PRELID2: variants seen among roughly 807,000 people sequenced by gnomAD.
PRELID2 encodes the protein PRELI domain-containing protein 2.
A neutral mutation model predicts 28.4 loss-of-function variants in PRELID2; 25 were observed. The observed-to-expected ratio is 0.88, with a 90% CI of 0.64 to 1.23. The LOEUF is 1.23. PRELID2 is among the 50% of genes most tolerant of loss of function. The pLI is 0.00. For synonymous variants in PRELID2, 76 were observed against 71.6 expected (o/e 1.06, Z -0.31); for missense variants, 201 against 214.4 (o/e 0.94, Z 0.39).
intron 1 of PRELID2, among the ~76,000 whole-genome samples, chr5:145,591,889 T>C (rs537331611): frequency 1.3e-5 from 2 of 152,334 alleles, no homozygotes; most frequent in East Asian, 1.9e-4. Context: ...AATGGCCACT[T>C]GGTGATGAGT....
At chr5:145,738,377 A>G (rs539928151) in intron 1 of PRELID2, among the ~76,000 whole-genome samples, 5 of 152,342 alleles carry the variant, frequency 3.3e-5, no homozygotes, top group African/African-American at 7.2e-5. Context: ...TGACAGACAC[A>G]TTAGAATTAT....
chr5:145,669,380 T>C (rs1754660274), intron 1 of PRELID2, among the ~76,000 whole-genome samples: 1 of 152,080 alleles, frequency 6.6e-6, no homozygotes, highest in South Asian at 2.1e-4. Flanking sequence ...GGTTGGTTTA[T>C]GTTCCACTGT....
chr5:145,422,287 T>C, the PRELID2 span, among the ~76,000 whole-genome samples: 2 of 151,318 alleles, frequency 1.3e-5, no homozygotes, highest in Non-Finnish European at 3.0e-5. Flanking sequence ...CTGGGTATCC[T>C]TCTTGACTTT....
chr5:145,244,348 T>G, the PRELID2 span, among the ~76,000 whole-genome samples: 1 of 152,066 alleles, frequency 6.6e-6, no homozygotes, highest in Non-Finnish European at 1.5e-5. Flanking sequence ...CACAGACCAC[T>G]TGTACTCCCT....
intron 1 of PRELID2, among the ~76,000 whole-genome samples, chr5:145,702,086 T>C (rs1016704576): frequency 1.7e-4 from 26 of 151,678 alleles, no homozygotes; most frequent in Admixed American, 1.1e-3. Context: ...CACACACACA[T>C]ATATATATAT....
At chr5:145,599,980 C>T (rs530764152) in intron 1 of PRELID2, among the ~76,000 whole-genome samples, 1 of 152,114 alleles carries the variant, frequency 6.6e-6, no homozygotes, top group East Asian at 1.9e-4. Context: ...ATAACAAAAA[C>T]CAAAGAGAGC....
intron 1 of PRELID2, among the ~76,000 whole-genome samples, chr5:145,588,636 G>T (rs531962946): frequency 6.6e-6 from 1 of 152,230 alleles, no homozygotes; most frequent in East Asian, 1.9e-4. Context: ...TGTCAAAAAT[G>T]AACTGACTTG....
the PRELID2 span, among the ~76,000 whole-genome samples, chr5:145,416,417 G>A: frequency 6.6e-6 from 1 of 151,938 alleles, no homozygotes; most frequent in African/African-American, 2.4e-5. Flanking sequence ...ATTGACAAAT[G>A]GGATCTAATT....
At chr5:145,739,984 T>C (rs1000946995) in intron 1 of PRELID2, among the ~76,000 whole-genome samples, 1 of 151,270 alleles carries the variant, frequency 6.6e-6, no homozygotes, top group Non-Finnish European at 1.5e-5. Context: ...ATAAGCCCTA[T>C]GTCAATAATT....
At chr5:145,341,542 A>T in the PRELID2 span, among the ~76,000 whole-genome samples, 7 of 152,182 alleles carry the variant, frequency 4.6e-5, no homozygotes, top group African/African-American at 1.7e-4. Flanking sequence ...TCCATCTCAA[A>T]AAAGAAAAGA....
chr5:145,484,283 AT>A (rs1358211772), intron 1 of PRELID2, among the ~76,000 whole-genome samples: 1 of 152,220 alleles, frequency 6.6e-6, no homozygotes, highest in Admixed American at 6.5e-5. Flanking sequence ...CACCGTAAGC[AT>A]CCCATGGGGT....
chr5:145,782,755 A>C (rs1342367753), intron 5 of PRELID2, among the ~76,000 whole-genome samples: 1 of 152,208 alleles, frequency 6.6e-6, no homozygotes, highest in Non-Finnish European at 1.5e-5. Flanking sequence ...ATTACCTCTG[A>C]TGCTCTTAAA....
intron 1 of PRELID2, among the ~76,000 whole-genome samples, chr5:145,486,179 T>C (rs1419418767): frequency 6.6e-6 from 1 of 152,174 alleles, no homozygotes; most frequent in Non-Finnish European, 1.5e-5. Flanking sequence ...GATTATAACA[T>C]CTTCCCAGAA....
At chr5:145,511,206 G>A (rs928684664) in intron 1 of PRELID2, among the ~76,000 whole-genome samples, 3 of 152,158 alleles carry the variant, frequency 2.0e-5, no homozygotes, top group Admixed American at 2.0e-4. Flanking sequence ...TTCATCTGCT[G>A]TTTGTGATGT....
At chr5:145,817,073 C>T (rs866434587) in intron 4 of PRELID2, among the ~76,000 whole-genome samples, 1 of 150,892 alleles carries the variant, frequency 6.6e-6, no homozygotes, top group Non-Finnish European at 1.5e-5. Context: ...TGCCTGTAGT[C>T]CCTGCTTCTC....
intron 1 of PRELID2, chr5:145,728,995 C>T (rs1756256258): frequency 1.4e-6 from 1 of 729,288 alleles, no homozygotes; most frequent in Non-Finnish European, 2.5e-6. Context: ...TCAGAGGGGT[C>T]CCACTCCCTC....
chr5:145,330,147 T>A, the PRELID2 span, among the ~76,000 whole-genome samples: 4 of 152,140 alleles, frequency 2.6e-5, no homozygotes, highest in African/African-American at 9.7e-5. Flanking sequence ...TGGATAAGCT[T>A]TTTGATGCAT....
At chr5:145,766,391 G>A (rs1002928728) in intron 5 of PRELID2, among the ~76,000 whole-genome samples, 4 of 152,152 alleles carry the variant, frequency 2.6e-5, no homozygotes, top group Non-Finnish European at 5.9e-5. Flanking sequence ...TGAACACCAC[G>A]TGGGCCTGCA....
intron 1 of PRELID2, among the ~76,000 whole-genome samples, chr5:145,576,221 A>G (rs866383532): frequency 1.3e-5 from 2 of 152,102 alleles, no homozygotes; most frequent in Non-Finnish European, 1.5e-5. Context: ...TTAAACTTTA[A>G]AACAGTTTCA....
Sources: allele counts gnomAD v4.1 joint callset (sites outside exome capture counted in the v4.1 genomes callset), GRCh38; gene constraint gnomAD v4.1.1; transcripts MANE v1.5; gene names NCBI Gene and HGNC (gene_info 2026-07-23, HGNC 2026-07-21).